Variants in PTPRG observed in about 807,000 individuals in gnomAD.
The protein encoded by PTPRG is protein tyrosine phosphatase receptor type G.
In PTPRG, 102 loss-of-function variants were observed where a neutral mutation model predicts 165.3. The observed-to-expected ratio is 0.62, with a 90% CI of 0.53 to 0.73. The LOEUF is 0.73. Ranked by LOEUF, PTPRG falls within the 30% of genes least tolerant of loss-of-function variation. PTPRG has a pLI of 0.00. For missense variants in PTPRG, 1,866 were observed against 1,861.4 expected (o/e 1.00, Z -0.05); for synonymous variants, 675 against 669.5 (o/e 1.01, Z -0.13).
chr3:62,102,314 G>C (rs1576005063), intron 5 of PTPRG, among the ~76,000 whole-genome samples: 1 of 151,994 alleles, frequency 6.6e-6, no homozygotes, highest in South Asian at 2.1e-4. Context: ...TCGCTCTGTT[G>C]CCCAGGCTGG....
rs148586987 is a variant in PTPRG, at chr3:61,653,371, C to T, written c.85+90999C>T. ...ATGGGTGGCATATTTGTCTCCTGTTCCTTGTCATTTTTAGCAGCTGCAATA... is the reference window on the plus strand; with the variant it reads ...ATGGGTGGCATATTTGTCTCCTGTTTCTTGTCATTTTTAGCAGCTGCAATA... On this transcript the variant is annotated intron_variant, in intron 1 of 29. Coordinates refer to ENST00000474889, the MANE Select transcript of PTPRG (RefSeq NM_002841.4). 2.2e-3 allele frequency among the ~76,000 whole-genome samples: 341 copies of T among 151,892 alleles called. 1 individual carries two copies. The highest frequency in any genetic ancestry group is 8.1e-3 in the African/African-American group (336 of 41,434).
chr3:62,084,143 T>G (rs1057469156), intron 5 of PTPRG, among the ~76,000 whole-genome samples: 8 of 152,218 alleles, frequency 5.3e-5, no homozygotes, highest in African/African-American at 1.9e-4. Context: ...TCTGAATCTT[T>G]GCATCAGAAA....
At position 61,961,341 on chromosome 3, in the gene PTPRG, T is replaced by C. The variant is rs1309309871; in HGVS notation, c.191-28284T>C. On this transcript the variant is annotated intron_variant, in intron 2 of 29. Transcript: ENST00000474889. ...AGGGTTGAAGTATTAGGGACAGGTG[T>C]GTATGCAGTTTTTTCTCAGCAGTGG... 8.5e-5 allele frequency among the ~76,000 whole-genome samples: 13 copies of C among 152,326 alleles called. No individual in the cohort carries two copies. The East Asian group carries it at 2.3e-3, about 27-fold the overall frequency.
At chr3:61,676,033 G>A (rs958158509) in intron 1 of PTPRG, among the ~76,000 whole-genome samples, 2 of 152,124 alleles carry the variant, frequency 1.3e-5, no homozygotes, top group African/African-American at 2.4e-5. Flanking sequence ...ATTTAAGAAG[G>A]CATTTGTAAG....
chr3:62,154,368 T>C (rs1231425428), intron 6 of PTPRG, among the ~76,000 whole-genome samples: 2 of 152,190 alleles, frequency 1.3e-5, no homozygotes, highest in Admixed American at 1.3e-4. Flanking sequence ...CCGATCTGAC[T>C]GCACGTGCTG....
At chr3:61,937,380 G>C (rs530051220) in intron 2 of PTPRG, among the ~76,000 whole-genome samples, 6 of 152,184 alleles carry the variant, frequency 3.9e-5, no homozygotes, top group African/African-American at 1.4e-4. Flanking sequence ...AAGGTTCCTC[G>C]TGCTCTTTCA....
chr3:61,786,841 G>GGTGCGTAAGGCT, intron 2 of PTPRG, among the ~76,000 whole-genome samples: 1 of 152,166 alleles, frequency 6.6e-6, no homozygotes, highest in Non-Finnish European at 1.5e-5. Context: ...TCTTTGAAAT[G>GGTGCGTAAGGCT]TCCCACTGGA....
intron 1 of PTPRG, among the ~76,000 whole-genome samples, chr3:61,579,766 C>T (rs1700241925): frequency 6.6e-6 from 1 of 152,152 alleles, no homozygotes; most frequent in Non-Finnish European, 1.5e-5. Flanking sequence ...AGGAGAAAGG[C>T]CAGGTGAGCG....
chr3:62,050,065 C>G (rs534271949), intron 4 of PTPRG, among the ~76,000 whole-genome samples: 316 of 152,222 alleles, frequency 2.1e-3, no homozygotes, highest in Non-Finnish European at 3.2e-3. Context: ...GATAGTGTCT[C>G]TGAGTAGAGA....
intron 4 of PTPRG, among the ~76,000 whole-genome samples, chr3:62,007,456 A>C (rs1265292245): frequency 1.3e-5 from 2 of 152,358 alleles, no homozygotes; most frequent in East Asian, 3.9e-4. Context: ...AAGAAAGTTG[A>C]AGTCAGATTA....
At chr3:61,911,050 C>G (rs2038790784) in intron 2 of PTPRG, among the ~76,000 whole-genome samples, 1 of 152,206 alleles carries the variant, frequency 6.6e-6, no homozygotes, top group African/African-American at 2.4e-5. Flanking sequence ...TCCTCTTTCA[C>G]CTGGATAACG....
At chr3:61,780,030 T>A (rs186624054) in intron 2 of PTPRG, among the ~76,000 whole-genome samples, 1 of 152,330 alleles carries the variant, frequency 6.6e-6, no homozygotes, top group African/African-American at 2.4e-5. Context: ...TTGGGACCTG[T>A]TTCCTGGGAA....
At chr3:62,124,242 C>T (rs1000675652) in intron 5 of PTPRG, 1 of 1,264,324 alleles carries the variant, frequency 7.9e-7, no homozygotes, top group Non-Finnish European at 1.2e-6. Context: ...GACATTAACT[C>T]CGAAGGGAAT....
intron 2 of PTPRG, among the ~76,000 whole-genome samples, chr3:61,908,108 G>C (rs1352816021): frequency 1.0e-5 from 1 of 96,270 alleles, no homozygotes. Context: ...GACAGAACAA[G>C]ACCACCTCTC....
rs1189460089 is a variant in PTPRG, at chr3:61,989,730, A to AC, written c.298dup (p.Gln100ProfsTer11). The AC allele has an allele frequency of 6.2e-7, 1 of 1,614,160 alleles. No individual in the cohort carries two copies. On this transcript the variant is annotated frameshift_variant, in exon 3 of 30. Coordinates refer to ENST00000474889, the MANE Select transcript of PTPRG (RefSeq NM_002841.4). LOFTEE classifies it high-confidence loss of function. ...CAGTATGCGCGTGTTGGGGAAGAAT[A>AC]CCAGGAACTGCAACTCGATGGCTTC...
At chr3:61,576,397 A>G (rs886407367) in intron 1 of PTPRG, among the ~76,000 whole-genome samples, 3 of 152,174 alleles carry the variant, frequency 2.0e-5, no homozygotes, top group Non-Finnish European at 2.9e-5. Context: ...GTGCATATAA[A>G]CAGGGACATT....
At chr3:62,128,769 A>G (rs1703407022) in intron 5 of PTPRG, among the ~76,000 whole-genome samples, 1 of 150,210 alleles carries the variant, frequency 6.7e-6, no homozygotes, top group African/African-American at 2.5e-5. Context: ...TTGCTAATAC[A>G]GCCCTCTTCA....
At chr3:61,988,570 C>T (rs940062711) in intron 2 of PTPRG, among the ~76,000 whole-genome samples, 3 of 152,186 alleles carry the variant, frequency 2.0e-5, no homozygotes, top group Non-Finnish European at 2.9e-5. Context: ...CAAAAATCCC[C>T]ACCCATCTAC....
At chr3:62,148,786 A>G (rs1055181382) in intron 6 of PTPRG, among the ~76,000 whole-genome samples, 14 of 151,974 alleles carry the variant, frequency 9.2e-5, no homozygotes, top group African/African-American at 3.4e-4. Flanking sequence ...ATAAATAAAT[A>G]AATAGCTAAA....
Sources: allele counts gnomAD v4.1 joint callset (sites outside exome capture counted in the v4.1 genomes callset), GRCh38; gene constraint gnomAD v4.1.1; transcripts MANE v1.5; gene names NCBI Gene and HGNC (gene_info 2026-07-23, HGNC 2026-07-21).